The following ALPK2 variants were observed in gnomAD, a reference collection of about 807,000 sequenced individuals.
ALPK2 encodes alpha-protein kinase 2.
In ALPK2, 127 loss-of-function variants were observed where a neutral mutation model predicts 163.1. The ratio of observed to expected loss-of-function variants is 0.78; its 90% CI spans 0.67 to 0.90. The LOEUF is 0.90. ALPK2 is among the 40% of genes least tolerant of loss of function. The pLI, the probability that ALPK2 is intolerant of heterozygous loss-of-function variation, is 0.00. For synonymous variants in ALPK2, 953 were observed against 959.1 expected, an observed-to-expected ratio of 0.99 and a Z score of 0.12; for missense variants, 2,360 against 2,589.6, an observed-to-expected ratio of 0.91 and a Z score of 1.92.
chr18:58,501,550 C>A (rs568501921), intron 11 of ALPK2, among the ~76,000 whole-genome samples: 58 of 152,276 alleles, frequency 3.8e-4, no homozygotes, highest in African/African-American at 1.3e-3. Context: ...ATACCAGAGC[C>A]CTCTAACATC....
intron 3 of ALPK2, among the ~76,000 whole-genome samples, chr18:58,586,316 A>C (rs754395509): frequency 6.6e-6 from 1 of 152,220 alleles, no homozygotes; most frequent in African/African-American, 2.4e-5. Flanking sequence ...TATGAGCTAG[A>C]AGTTCAGAGG....
chr18:58,543,096 G>A (rs2051698871), intron 4 of ALPK2, among the ~76,000 whole-genome samples: 2 of 152,102 alleles, frequency 1.3e-5, no homozygotes, highest in South Asian at 2.1e-4. Context: ...GGACCTGGAG[G>A]CTTCATAAGA....
At chr18:58,485,771 A>G (rs1235387970) in intron 12 of ALPK2, among the ~76,000 whole-genome samples, 1 of 148,234 alleles carries the variant, frequency 6.7e-6, no homozygotes, top group Admixed American at 6.7e-5. Flanking sequence ...TGGATGGTTT[A>G]ATCCCACCTG....
intron 8 of ALPK2, among the ~76,000 whole-genome samples, chr18:58,520,428 CAAAAAAAAA>C (rs61028795): frequency 6.2e-5 from 4 of 64,392 alleles, no homozygotes; most frequent in African/African-American, 8.1e-5. Flanking sequence ...GACTCCGTCT[CAAAAAAAAA>C]AAAAAAAAAA....
chr18:58,538,365 A>C, intron 4 of ALPK2, 141 bp from the exon 5 acceptor site: 11 of 778,028 alleles, frequency 1.4e-5, no homozygotes, highest in South Asian at 2.0e-5. Context: ...TAATCCCCCA[A>C]CTCCCTCTAG....
Position 58,621,013 on chromosome 18 carries a change from G to A in ALPK2, c.-21+7751C>T, listed in dbSNP as rs150410757. ...TCTACAAAAAATACAAAAATTAGCCGGGTGTGTCGCATGCCTGTAGTCCCA... is the reference window on the plus strand; with the variant it reads ...TCTACAAAAAATACAAAAATTAGCCAGGTGTGTCGCATGCCTGTAGTCCCA... On this transcript the variant is annotated intron_variant, in intron 1 of 12. Transcript: ENST00000361673. Among the ~76,000 whole-genome samples, 679 of 151,962 alleles carry A rather than the reference G, an allele frequency of 4.5e-3. 6 individuals are homozygous for A. The highest frequency in any genetic ancestry group is 0.015 in the African/African-American group (627 of 41,438).
At chr18:58,546,194 C>A (rs879827233) in intron 4 of ALPK2, among the ~76,000 whole-genome samples, 3 of 152,196 alleles carry the variant, frequency 2.0e-5, no homozygotes, top group African/African-American at 7.2e-5. Flanking sequence ...GAAACAGATC[C>A]TAAACACCCC....
chr18:58,575,149 G>T (rs1367815692), intron 4 of ALPK2, among the ~76,000 whole-genome samples: 1 of 150,162 alleles, frequency 6.7e-6, no homozygotes, highest in African/African-American at 2.5e-5. Flanking sequence ...GGGGGCAGAG[G>T]TTGCGGTGGG....
chr18:58,537,143 G>C lies in ALPK2; in HGVS notation c.3044C>G (p.Thr1015Ser). Reference sequence around the variant, plus strand: ...AAGGTATTTGGCTGGGTGGACTTCGGTGGCAATGGTAACAGTTGATGTGTC... The same window carrying C: ...AAGGTATTTGGCTGGGTGGACTTCGCTGGCAATGGTAACAGTTGATGTGTC... ...TEDTSTVTIA[T>S]EVHPAKYLAV... Residue 1015 changes from threonine (T) to serine (S), a missense_variant, in exon 5 of 13, where the codon ACC (threonine) becomes AGC (serine). By Grantham distance (58) the Thr-to-Ser change is moderately conservative (BLOSUM62 1). Transcript: ENST00000361673. 6.2e-7 allele frequency: 1 copy of C among 1,614,032 alleles called. No individual in the cohort carries two copies.
At chr18:58,520,791 GAATT>G (rs1472853955) in intron 8 of ALPK2, among the ~76,000 whole-genome samples, 1 of 152,056 alleles carries the variant, frequency 6.6e-6, no homozygotes, top group Admixed American at 6.5e-5. Flanking sequence ...CTCCTATAGA[GAATT>G]AAATTAATAA....
chr18:58,522,436 A>G (rs1347242673), intron 8 of ALPK2, among the ~76,000 whole-genome samples: 1 of 152,230 alleles, frequency 6.6e-6, no homozygotes, highest in Non-Finnish European at 1.5e-5. Context: ...TTAAGAGGGA[A>G]GACACGGCAA....
chr18:58,595,190 C>A (rs997547324), intron 3 of ALPK2, among the ~76,000 whole-genome samples: 9 of 152,158 alleles, frequency 5.9e-5, no homozygotes, highest in Non-Finnish European at 2.9e-5. Context: ...ACCAGAGAGA[C>A]CTTCCCACCG....
intron 12 of ALPK2, among the ~76,000 whole-genome samples, chr18:58,484,422 T>C (rs1172319521): frequency 6.6e-6 from 1 of 152,186 alleles, no homozygotes; most frequent in East Asian, 1.9e-4. Context: ...AGGGGAAGCA[T>C]TGCCGGCTGG....
intron 5 of ALPK2, among the ~76,000 whole-genome samples, chr18:58,532,783 A>G (rs972604264): frequency 2.0e-5 from 3 of 152,194 alleles, no homozygotes; most frequent in Non-Finnish European, 2.9e-5. Flanking sequence ...GAGTCTTATC[A>G]TTAGCACCCC....
At chr18:58,623,785 G>A (rs2052214628) in intron 1 of ALPK2, among the ~76,000 whole-genome samples, 1 of 152,222 alleles carries the variant, frequency 6.6e-6, no homozygotes, top group South Asian at 2.1e-4. Context: ...TTCCATTTCT[G>A]AGGCAGGACT....
At chr18:58,487,380 ACCCT>A (rs1305428379) in intron 12 of ALPK2, among the ~76,000 whole-genome samples, 2 of 151,736 alleles carry the variant, frequency 1.3e-5, no homozygotes, top group Non-Finnish European at 2.9e-5. Flanking sequence ...CATGGAACAG[ACCCT>A]CCCTCAGAGC....
intron 1 of ALPK2, among the ~76,000 whole-genome samples, chr18:58,620,022 G>A (rs1340196157): frequency 2.0e-5 from 3 of 152,194 alleles, no homozygotes; most frequent in Admixed American, 6.5e-5. Flanking sequence ...GGGGCGCGGT[G>A]GCTCACGCCT....
rs542183238 is a variant in ALPK2 at position 58,626,429 on chromosome 18, C to T, written c.-21+2335G>A. ...TGCTCCTCCAAAGGCTAGTCCACTTCAAAGAGTTTTCACCTCCACTCCCGC... is the reference window on the plus strand; with the variant it reads ...TGCTCCTCCAAAGGCTAGTCCACTTTAAAGAGTTTTCACCTCCACTCCCGC... On this transcript the variant is annotated intron_variant, in intron 1 of 12. Transcript: ENST00000361673. Among the ~76,000 whole-genome samples, 28 of 152,290 alleles carry T rather than the reference C, an allele frequency of 1.8e-4. No individual in the cohort carries two copies. In the South Asian group the frequency reaches 5.2e-3, roughly 28 times the overall value.
chr18:58,492,499 A>G (rs1602183845), intron 12 of ALPK2, among the ~76,000 whole-genome samples: 1 of 151,888 alleles, frequency 6.6e-6, no homozygotes, highest in Non-Finnish European at 1.5e-5. Flanking sequence ...TCTGGTCTTC[A>G]CCCCATGCTG....
Sources: allele counts gnomAD v4.1 joint callset (sites outside exome capture counted in the v4.1 genomes callset), GRCh38; gene constraint gnomAD v4.1.1; transcripts MANE v1.5; gene names NCBI Gene and HGNC (gene_info 2026-07-23, HGNC 2026-07-21).